The following VPS13D variants were observed in gnomAD, a reference collection of about 807,000 sequenced individuals.
VPS13D encodes the protein intermembrane lipid transfer protein VPS13D.
VPS13D carries 187 observed loss-of-function variants against 461.9 expected under a neutral mutation model. That is an observed-to-expected ratio of 0.40 (90% CI 0.36 to 0.46). The LOEUF (loss-of-function observed/expected upper bound fraction) is 0.46. VPS13D is among the 20% of genes least tolerant of loss of function. The pLI is 0.60. For synonymous variants in VPS13D, 1,951 were observed against 1,986.3 expected (o/e 0.98, Z 0.47); for missense variants, 4,711 against 5,364.9 (o/e 0.88, Z 3.81).
At position 12,373,786 on chromosome 1, in the gene VPS13D, C is replaced by A. The variant is rs1029949289; in HGVS notation, c.10845C>A (p.Asn3615Lys). The change falls in exon 55 of 70, where the codon AAC (asparagine) becomes AAA (lysine). Residue 3615 changes from asparagine to lysine, a missense_variant. Around this residue, in one of 3 missense-constraint regions of VPS13D, gnomAD observed 4,411 missense variants for 4,937.8 expected, o/e 0.89. Transcript: ENST00000620676. ...QEGTGRPVAS[N>K]KAITCAELVL... The stretch of plus-strand genomic sequence containing the variant: ...GAACAGGCAGGCCTGTGGCTTCCAA[C>A]AAGGCCATTACCTGTGCGGAGCTCG... 1 of 1,573,908 alleles carries A rather than the reference C, an allele frequency of 6.4e-7. No individual in the cohort carries two copies. Among genetic ancestry groups the A allele is most frequent in the East Asian group, 2.4e-5 (1 of 42,472 alleles).
At chr1:12,416,949 A>G in intron 65 of VPS13D, 122 bp downstream of exon 65, 2 of 1,130,204 alleles carry the variant, frequency 1.8e-6, no homozygotes, top group Non-Finnish European at 2.4e-6. Context: ...TTCATTGCCC[A>G]CATGCCTTGC....
In VPS13D at chr1:12,368,540, T is replaced by C. The variant is rs1330981630; in HGVS notation, c.10521T>C (p.Phe3507=). The change falls in exon 53 of 70, where the codon TTT becomes TTC. Residue 3507 remains phenylalanine, a synonymous_variant. Coordinates refer to ENST00000620676, the MANE Select transcript of VPS13D (RefSeq NM_015378.4). ...GAGGAGCTACGTATAGGATCTCATTTAGTGACACAGATCAGTTACCTCCTC... is the reference window on the plus strand; with the variant it reads ...GAGGAGCTACGTATAGGATCTCATTCAGTGACACAGATCAGTTACCTCCTC... ...TLRGATYRIS[F]SDTDQLPPPF... 1.9e-6 allele frequency: 3 copies of C among 1,613,860 alleles called. No homozygotes were observed. The highest frequency in any genetic ancestry group is 2.5e-6 in the Non-Finnish European group (3 of 1,179,916).
intron 37 of VPS13D, among the ~76,000 whole-genome samples, chr1:12,331,157 T>A (rs892803360): frequency 2.6e-5 from 4 of 152,176 alleles, no homozygotes; most frequent in African/African-American, 9.7e-5. Flanking sequence ...GCCAAGTGGT[T>A]TGAGCAGTGA....
Position 12,244,600 on chromosome 1 carries a change from A to G in VPS13D, c.430A>G (p.Ile144Val). Residue 144 changes from isoleucine to valine, a missense_variant, in exon 5 of 70, where the codon ATT (isoleucine) becomes GTT (valine). Around this residue, in one of 3 missense-constraint regions of VPS13D, gnomAD observed 4,411 missense variants for 4,937.8 expected, o/e 0.89. Coordinates refer to ENST00000620676, the MANE Select transcript of VPS13D (RefSeq NM_015378.4). ...AGTTACCGCCTCCGTAGTTACAAGG[A>G]TTGTGGAGAATATTGAAGTAAGTCC... ...YSVTASVVTRIVENIELKIQD... is the reference protein window; with the variant it reads ...YSVTASVVTRVVENIELKIQD... The G allele has an allele frequency of 6.2e-7, 1 of 1,614,166 alleles. No individual in the cohort carries two copies. The highest frequency in any genetic ancestry group is 8.5e-7 in the Non-Finnish European group (1 of 1,179,982).
At chr1:12,501,739 A>G (rs1047134468) in intron 68 of VPS13D, among the ~76,000 whole-genome samples, 8 of 152,238 alleles carry the variant, frequency 5.3e-5, no homozygotes, top group Non-Finnish European at 7.3e-5. Flanking sequence ...CCAACAACCT[A>G]TAACATATAT....
chr1:12,452,629 G>A (rs1645276961), intron 65 of VPS13D, among the ~76,000 whole-genome samples: 1 of 152,254 alleles, frequency 6.6e-6, no homozygotes, highest in South Asian at 2.1e-4. Context: ...GAGGCCACAT[G>A]CTTTATGGTA....
intron 21 of VPS13D, among the ~76,000 whole-genome samples, chr1:12,286,140 T>C (rs1331855435): frequency 6.6e-6 from 1 of 151,462 alleles, no homozygotes; most frequent in Non-Finnish European, 1.5e-5. Flanking sequence ...TGCAATGGCA[T>C]GATCTTGGCT....
At chr1:12,493,010 A>AGGAGGAACAGGGATTTGGGGTGGC (rs1553128925) in intron 67 of VPS13D, among the ~76,000 whole-genome samples, 6 of 152,246 alleles carry the variant, frequency 3.9e-5, no homozygotes, top group African/African-American at 1.4e-4. Flanking sequence ...CCTTAGTTAA[A>AGGAGGAACAGGGATTTGGGGTGGC]GGAGGAACAG....
chr1:12,404,121 G>C, intron 63 of VPS13D, 148 bp downstream of exon 63: 1 of 334,432 alleles, frequency 3.0e-6, no homozygotes, highest in Non-Finnish European at 4.6e-6. Context: ...TATTTTTACA[G>C]ATTTCCTTTT....
chr1:12,260,813 G>A lies in VPS13D; in HGVS notation c.1212+19G>A, dbSNP rs1488870727. On this transcript the variant is annotated intron_variant, in intron 11 of 69. Coordinates refer to ENST00000620676, the MANE Select transcript of VPS13D (RefSeq NM_015378.4). ...AGCAGAGGTAAGAAATCCTCTACAAGAGGATTTGTTCAGACCCAGCACACC... is the reference window on the plus strand; with the variant it reads ...AGCAGAGGTAAGAAATCCTCTACAAAAGGATTTGTTCAGACCCAGCACACC... 1.9e-6 allele frequency: 3 copies of A among 1,613,648 alleles called. No individual in the cohort carries two copies. The African/African-American group carries it at 4.0e-5, about 22-fold the overall frequency.
chr1:12,337,248 CCT>C (rs1643472226), intron 39 of VPS13D: 1 of 152,108 alleles, frequency 6.6e-6, no homozygotes, highest in African/African-American at 2.4e-5. Flanking sequence ...AATTTCCAAA[CCT>C]CTTTTCTTAT....
At chr1:12,487,859 T>A (rs1469499025) in intron 67 of VPS13D, among the ~76,000 whole-genome samples, 5 of 151,820 alleles carry the variant, frequency 3.3e-5, no homozygotes, top group Admixed American at 3.3e-4. Context: ...ACCCCTGAAA[T>A]TTTTTTTTGA....
Position 12,383,052 on chromosome 1 carries a change from G to A in VPS13D, c.11267G>A (p.Gly3756Glu). The change falls in exon 58 of 70, where the codon GGG (glycine) becomes GAG (glutamate). Residue 3756 changes from glycine to glutamate, a missense_variant. Physicochemically the swap from Gly to Glu is moderately conservative, Grantham distance 98 (BLOSUM62 -2). Coordinates refer to ENST00000620676, the MANE Select transcript of VPS13D (RefSeq NM_015378.4). ...CCTGACACTTCCATGGAGCTTTTGG[G>A]GCCAGTTCCACCTGAACAACAATTT... ...LGPDTSMELL[G>E]PVPPEQQFIN... The A allele has an allele frequency of 6.2e-7, 1 of 1,614,002 alleles. No individual in the cohort carries two copies. Among genetic ancestry groups the A allele is most frequent in the Non-Finnish European group, 8.5e-7 (1 of 1,179,998 alleles).
Position 12,295,820 on chromosome 1 carries a change from C to T in VPS13D, c.6033+2116C>T, listed in dbSNP as rs553445659. Among the ~76,000 whole-genome samples the T allele has an allele frequency of 4.6e-5, 7 of 152,296 alleles. No homozygotes were observed. The South Asian group carries it at 6.2e-4, about 14-fold the overall frequency. Reference sequence around the variant, plus strand: ...CATATGCTGTGTTCCTTCCCTATTCCGTTCCCCTGTCAACTCCTCGTGGAA... The same window carrying T: ...CATATGCTGTGTTCCTTCCCTATTCTGTTCCCCTGTCAACTCCTCGTGGAA... On this transcript the variant is annotated intron_variant, in intron 24 of 69. Coordinates refer to ENST00000620676, the MANE Select transcript of VPS13D (RefSeq NM_015378.4).
intron 60 of VPS13D, among the ~76,000 whole-genome samples, chr1:12,388,084 A>C (rs1340531052): frequency 1.3e-5 from 2 of 152,232 alleles, no homozygotes; most frequent in African/African-American, 4.8e-5. Context: ...TTTTCTTCTT[A>C]TTTAAAGTAA....
At chr1:12,268,449 T>C (rs997848200) in intron 15 of VPS13D, among the ~76,000 whole-genome samples, 21 of 152,172 alleles carry the variant, frequency 1.4e-4, no homozygotes, top group African/African-American at 5.1e-4. Context: ...TGGGGCTAAC[T>C]GGGCAACCTT....
chr1:12,240,849 ACAAATGTT>A (rs1569639444), intron 2 of VPS13D, among the ~76,000 whole-genome samples: 1 of 151,612 alleles, frequency 6.6e-6, no homozygotes, highest in African/African-American at 2.4e-5. Flanking sequence ...GCCCATGTGG[ACAAATGTT>A]CCTGCAAAAA....
At chr1:12,506,207 A>G (rs1646103611) in intron 68 of VPS13D, among the ~76,000 whole-genome samples, 1 of 152,128 alleles carries the variant, frequency 6.6e-6, no homozygotes, top group African/African-American at 2.4e-5. Context: ...ATAAATTTCC[A>G]CTTTGAATGT....
At chr1:12,342,779 T>C (rs1643598584) in intron 41 of VPS13D, 120 bp from the exon 42 acceptor site, 1 of 1,202,928 alleles carries the variant, frequency 8.3e-7, no homozygotes. Flanking sequence ...AGCTAGGTCA[T>C]GCAGCCTTTT....
Sources: gnomAD v4.1 joint callset for allele counts (sites outside exome capture counted in the v4.1 genomes callset) on GRCh38, gnomAD v4.1.1 for gene constraint, gnomAD v4.1.1 regional missense constraint, MANE v1.5 for transcripts, NCBI Gene and HGNC (gene_info 2026-07-23, HGNC 2026-07-21) for gene names.